Variants in ESYT2 observed in about 807,000 individuals in gnomAD.
ESYT2 encodes the protein extended synaptotagmin 2.
In ESYT2, 54 loss-of-function variants were observed where a neutral mutation model predicts 107.2. The observed-to-expected ratio is 0.50, with a 90% CI of 0.40 to 0.63. The LOEUF is 0.63. Ranked by LOEUF, ESYT2 falls within the 30% of genes least tolerant of loss-of-function variation. The pLI is 0.00. For synonymous variants in ESYT2, 491 were observed against 434.1 expected, an observed-to-expected ratio of 1.13 and a Z score of -1.63; for missense variants, 1,020 against 1,094.5, an observed-to-expected ratio of 0.93 and a Z score of 0.96.
At chr7:158,825,101 T>C (rs1316146380) in intron 1 of ESYT2, among the ~76,000 whole-genome samples, 1 of 152,208 alleles carries the variant, frequency 6.6e-6, no homozygotes, top group Non-Finnish European at 1.5e-5. Flanking sequence ...GAGACCAGCC[T>C]GGCCAACATG....
chr7:158,756,914 T>TAAAAAA (rs201326042), intron 13 of ESYT2, among the ~76,000 whole-genome samples: 7 of 98,726 alleles, frequency 7.1e-5, no homozygotes, highest in African/African-American at 2.0e-4. Flanking sequence ...CATCTCAAAT[T>TAAAAAA]AAAAAAAAAA....
rs147062200 is a variant in ESYT2 at position 158,737,161 on chromosome 7, A to G, written c.2286T>C (p.Ser762=). Residue 762 remains serine (S), a synonymous_variant, in exon 20 of 23, where the codon TCT becomes TCC. Transcript: ENST00000275418. ...VHACRNLIAF[S]EDGSDPYVRM... is the part of the protein sequence containing the mutation. Reference sequence around the variant, plus strand: ...GGACATAGGGGTCAGAGCCGTCTTCAGAGAAGGCAATGAGGTTTCTTACAA... The same window carrying G: ...GGACATAGGGGTCAGAGCCGTCTTCGGAGAAGGCAATGAGGTTTCTTACAA... 1 of 1,613,852 alleles carries G rather than the reference A, an allele frequency of 6.2e-7. No individual in the cohort carries two copies. The highest frequency in any genetic ancestry group is 8.5e-7 in the Non-Finnish European group (1 of 1,179,790).
At chr7:158,820,381 G>T (rs1395924901) in intron 1 of ESYT2, among the ~76,000 whole-genome samples, 1 of 152,166 alleles carries the variant, frequency 6.6e-6, no homozygotes, top group Non-Finnish European at 1.5e-5. Context: ...ACAAAAAATG[G>T]TAAGCCCGTG....
Position 158,731,348 on chromosome 7 carries a change from C to G in ESYT2, c.*2859G>C, listed in dbSNP as rs1836740210. The G allele has an allele frequency of 6.6e-6, 1 of 152,402 alleles. No homozygotes were observed. Among genetic ancestry groups the G allele is most frequent in the Non-Finnish European group, 1.5e-5 (1 of 68,162 alleles). 9.4% of individuals were successfully genotyped at this position (152,402 alleles called of 1,614,324 possible). A position where few individuals can be genotyped will look rare whatever the true frequency, so the allele number is the denominator to read the frequency against. ...ACGGAGTCTCACTCTGTTGCCCAGG[C>G]TGGAGTGCAGTGGTGCGATCTTGGC... On this transcript the variant is annotated 3_prime_UTR_variant, in exon 23 of 23. Coordinates refer to ENST00000275418, the MANE Select transcript of ESYT2 (RefSeq NM_001367773.1).
At chr7:158,772,726 A>T (rs1838415857) in intron 7 of ESYT2, among the ~76,000 whole-genome samples, 1 of 152,094 alleles carries the variant, frequency 6.6e-6, no homozygotes, top group South Asian at 2.1e-4. Flanking sequence ...CTTGTTATGG[A>T]ACATTTTTCT....
At chr7:158,788,231 A>G (rs1839174514) in intron 5 of ESYT2, 114 bp downstream of exon 5, 2 of 1,209,418 alleles carry the variant, frequency 1.7e-6, no homozygotes, top group African/African-American at 3.1e-5. Flanking sequence ...CTACAGCTAA[A>G]AACTGAACGT....
intron 6 of ESYT2, among the ~76,000 whole-genome samples, chr7:158,787,384 A>T (rs80295177): frequency 1.3e-5 from 2 of 152,344 alleles, no homozygotes; most frequent in East Asian, 3.9e-4. Flanking sequence ...TCTGGTCCCA[A>T]GCATCTCCGA....
chr7:158,756,423 G>A (rs543594622), intron 13 of ESYT2, among the ~76,000 whole-genome samples: 1 of 152,334 alleles, frequency 6.6e-6, no homozygotes, highest in East Asian at 1.9e-4. Flanking sequence ...AAAAGAAAGT[G>A]AATCACAAAC....
At chr7:158,782,004 A>AGT (rs967050313) in intron 6 of ESYT2, among the ~76,000 whole-genome samples, 1 of 150,844 alleles carries the variant, frequency 6.6e-6, no homozygotes, top group Admixed American at 6.6e-5. Flanking sequence ...TACGAGAACA[A>AGT]GTGTGTGAAC....
chr7:158,808,548 T>C (rs954837575), intron 1 of ESYT2, among the ~76,000 whole-genome samples: 2 of 152,188 alleles, frequency 1.3e-5, no homozygotes, highest in Non-Finnish European at 2.9e-5. Context: ...TACGCTGAGG[T>C]TGCTAAGATG....
At chr7:158,742,505 C>T (rs1837250305) in intron 17 of ESYT2, among the ~76,000 whole-genome samples, 1 of 152,216 alleles carries the variant, frequency 6.6e-6, no homozygotes, top group South Asian at 2.1e-4. Flanking sequence ...GACCAAAGCC[C>T]GTATTCTACA....
intron 13 of ESYT2, among the ~76,000 whole-genome samples, chr7:158,757,683 G>T (rs1248277538): frequency 1.3e-5 from 2 of 151,878 alleles, no homozygotes; most frequent in East Asian, 3.9e-4. Context: ...AAGATCCTTT[G>T]CTTCTGATGG....
intron 3 of ESYT2, among the ~76,000 whole-genome samples, chr7:158,794,701 C>CA (rs772659537): frequency 1.5e-5 from 2 of 137,300 alleles, no homozygotes; most frequent in African/African-American, 3.0e-5. Flanking sequence ...CCACTGAGCC[C>CA]GGGGGGGTAA....
rs774068089 is a variant in ESYT2, at chr7:158,743,773, A to G, written c.1645-95T>C. 147 of 1,375,340 alleles carry G rather than the reference A, an allele frequency of 1.1e-4. 1 individual carries two copies. The highest frequency in any genetic ancestry group is 1.4e-4 in the Non-Finnish European group (144 of 1,041,812). The allele number at this position is 1,375,340 out of a possible 1,614,324, so 85.2% of individuals were successfully genotyped here. ...CGCTCCTGACCCTTTGTCCTCAGAG[A>G]TAGGAACTTAGAAAATGTAGAAAGG... On this transcript the variant is annotated intron_variant, in intron 16 of 22. Coordinates refer to ENST00000275418, the MANE Select transcript of ESYT2 (RefSeq NM_001367773.1).
chr7:158,799,508 C>T (rs918870327), intron 1 of ESYT2, among the ~76,000 whole-genome samples: 1 of 152,206 alleles, frequency 6.6e-6, no homozygotes, highest in Non-Finnish European at 1.5e-5. Context: ...ACCTGCAAGT[C>T]CCAGGTACTC....
chr7:158,734,340 C>G, intron 22 of ESYT2, 82 bp downstream of exon 22: 1 of 1,611,952 alleles, frequency 6.2e-7, no homozygotes, highest in South Asian at 1.1e-5. Context: ...CCACCACTGT[C>G]TGTGGGGGAC....
At chr7:158,794,783 G>C (rs972572180) in intron 3 of ESYT2, among the ~76,000 whole-genome samples, 5 of 152,102 alleles carry the variant, frequency 3.3e-5, no homozygotes, top group Admixed American at 1.3e-4. Flanking sequence ...TCTCAAAAAT[G>C]AAAGAAGCAC....
intron 6 of ESYT2, 55 bp from the exon 7 acceptor site, chr7:158,773,451 T>C: frequency 1.3e-6 from 2 of 1,560,376 alleles, no homozygotes; most frequent in Non-Finnish European, 1.8e-6. Flanking sequence ...AATTATTGAA[T>C]CAGGTGCACA....
chr7:158,773,305 G>A (rs372347307), intron 7 of ESYT2, 36 bp downstream of exon 7: 29 of 1,612,400 alleles, frequency 1.8e-5, no homozygotes, highest in Middle Eastern at 1.6e-4. Flanking sequence ...ACACGCCCTC[G>A]AACGCTAAGC....
Sources: gnomAD v4.1 joint callset for allele counts (sites outside exome capture counted in the v4.1 genomes callset) on GRCh38, gnomAD v4.1.1 for gene constraint, MANE v1.5 for transcripts, NCBI Gene and HGNC (gene_info 2026-07-23, HGNC 2026-07-21) for gene names.